The following UIMC1 variants were observed in gnomAD, a reference collection of about 807,000 sequenced individuals.
UIMC1 encodes ubiquitin interaction motif containing 1, also known as BRCA1-A complex subunit RAP80.
In UIMC1, 42 loss-of-function variants were observed where a neutral mutation model predicts 84.9. The observed-to-expected ratio is 0.49, with a 90% CI of 0.39 to 0.64. The LOEUF is 0.64. Ranked by LOEUF, UIMC1 falls within the 30% of genes least tolerant of loss-of-function variation. The pLI, the probability that UIMC1 is intolerant of heterozygous loss-of-function variation, is 0.00. For missense variants in UIMC1, 825 were observed against 847.6 expected, an observed-to-expected ratio of 0.97 and a Z score of 0.33; for synonymous variants, 281 against 293.0, an observed-to-expected ratio of 0.96 and a Z score of 0.42.
At chr5:176,978,359 C>A (rs952778492) in intron 2 of UIMC1, among the ~76,000 whole-genome samples, 2 of 151,880 alleles carry the variant, frequency 1.3e-5, no homozygotes, top group East Asian at 1.9e-4. Flanking sequence ...GGCGACAGAG[C>A]GAGACTCTGT....
rs756103380 is a variant in UIMC1, at chr5:176,943,415, G to T, written c.1517C>A (p.Pro506Gln). 6.2e-7 allele frequency: 1 copy of T among 1,614,034 alleles called. No homozygotes were observed. Among genetic ancestry groups the T allele is most frequent in the African/African-American group, 1.3e-5 (1 of 74,912 alleles). Reference sequence around the variant, plus strand: ...GGGTGGAAAGCATTGGTCACATAGCGGGCAGGATACCTGGTTACTGGATGA... The same window carrying T: ...GGGTGGAAAGCATTGGTCACATAGCTGGCAGGATACCTGGTTACTGGATGA... ...TFSSSNQVSC[P>Q]LCDQCFPPTK... Residue 506 changes from proline (P) to glutamine (Q), a missense_variant, in exon 10 of 15, where the codon CCG (proline) becomes CAG (glutamine). By Grantham distance (76) the Pro-to-Gln change is moderately conservative. Transcript: ENST00000511320.
intron 12 of UIMC1, among the ~76,000 whole-genome samples, chr5:176,908,020 T>G (rs545965231): frequency 6.6e-6 from 1 of 152,324 alleles, no homozygotes; most frequent in East Asian, 1.9e-4. Flanking sequence ...TTTTTAAAAA[T>G]AAAACCCAAA....
At chr5:176,982,825 G>A (rs536174082) in intron 1 of UIMC1, among the ~76,000 whole-genome samples, 91 of 152,152 alleles carry the variant, frequency 6.0e-4, no homozygotes, top group African/African-American at 2.1e-3. Context: ...TCAGCCTCCC[G>A]AGTAGCTGGG....
At chr5:176,977,411 C>T (rs1317548808) in intron 2 of UIMC1, among the ~76,000 whole-genome samples, 2 of 151,612 alleles carry the variant, frequency 1.3e-5, no homozygotes, top group South Asian at 2.1e-4. Flanking sequence ...CCAAAACGTG[C>T]GTTCTTCTCA....
At chr5:176,939,256 CA>C (rs61615337) in intron 10 of UIMC1, among the ~76,000 whole-genome samples, 2,089 of 71,840 alleles carry the variant, frequency 0.029, 33 homozygotes, top group African/African-American at 0.085. Context: ...GATCCTGTCT[CA>C]AAAAAAAAAA....
chr5:176,956,413 T>C (rs955085519), intron 7 of UIMC1, among the ~76,000 whole-genome samples: 1 of 152,178 alleles, frequency 6.6e-6, no homozygotes, highest in Non-Finnish European at 1.5e-5. Context: ...TAGAGATTTG[T>C]AAACTGACAA....
In UIMC1 at chr5:176,911,364, G is replaced by A; in HGVS notation, c.1623C>T (p.Ala541=). 6.3e-7 allele frequency: 1 copy of A among 1,594,440 alleles called. No individual in the cohort carries two copies. Among genetic ancestry groups the A allele is most frequent in the Non-Finnish European group, 8.6e-7 (1 of 1,169,374 alleles). ...CTGTCCCACTGTCACTCTTGGTCTT[G>A]GCCTCTTTTTGTCTCCGAGTCAATA... ...DTVLTRRQKE[A]KTKSDSGTAA... The change falls in exon 11 of 15, where the codon GCC becomes GCT. Residue 541 remains alanine, a synonymous_variant. Coordinates refer to ENST00000511320, the MANE Select transcript of UIMC1 (RefSeq NM_001199298.2).
At chr5:176,983,734 G>C (rs373355597) in intron 1 of UIMC1, among the ~76,000 whole-genome samples, 13 of 150,248 alleles carry the variant, frequency 8.7e-5, no homozygotes, top group Non-Finnish European at 1.3e-4. Context: ...CGGCCACCCC[G>C]TCTGGGAAGT....
chr5:176,906,287 C>T (rs1352222659), intron 13 of UIMC1: 3 of 462,866 alleles, frequency 6.5e-6, no homozygotes, highest in Non-Finnish European at 1.2e-5. Flanking sequence ...TACTTCAATT[C>T]TGGACTTGAG....
chr5:176,951,891 T>C (rs1429556354), intron 8 of UIMC1, among the ~76,000 whole-genome samples: 1 of 152,226 alleles, frequency 6.6e-6, no homozygotes, highest in East Asian at 1.9e-4. Context: ...AAGTTCTCTG[T>C]ACCCCTCTGC....
At chr5:177,020,064 T>C (rs912416258) in intron 1 of UIMC1, among the ~76,000 whole-genome samples, 1 of 152,228 alleles carries the variant, frequency 6.6e-6, no homozygotes, top group African/African-American at 2.4e-5. Context: ...ATACTTGTAG[T>C]ATAAATGACT....
chr5:176,936,565 T>C (rs1485752192), intron 10 of UIMC1, among the ~76,000 whole-genome samples: 1 of 152,134 alleles, frequency 6.6e-6, no homozygotes, highest in Non-Finnish European at 1.5e-5. Flanking sequence ...CCAAAGTCCT[T>C]ATTATGGCCT....
chr5:176,955,442 G>T (rs1431896743), intron 8 of UIMC1, among the ~76,000 whole-genome samples: 1 of 152,026 alleles, frequency 6.6e-6, no homozygotes, highest in African/African-American at 2.4e-5. Flanking sequence ...CTACTAAAAG[G>T]CTGTGAAGTC....
chr5:176,974,423 TA>T (rs756643744), intron 3 of UIMC1, among the ~76,000 whole-genome samples: 66 of 152,102 alleles, frequency 4.3e-4, no homozygotes, highest in Non-Finnish European at 6.2e-4. Flanking sequence ...ATGCTAAAGC[TA>T]AAACTATAAA....
chr5:176,910,866 C>T (rs1199011080), intron 11 of UIMC1, among the ~76,000 whole-genome samples: 1 of 151,896 alleles, frequency 6.6e-6, no homozygotes, highest in Non-Finnish European at 1.5e-5. Context: ...CGAGGCAGGC[C>T]AATCACCTGA....
At chr5:176,913,249 G>A (rs1050869503) in intron 10 of UIMC1, among the ~76,000 whole-genome samples, 1 of 152,130 alleles carries the variant, frequency 6.6e-6, no homozygotes, top group East Asian at 1.9e-4. Context: ...CGAGTGCCTA[G>A]GTTAGCTCTA....
chr5:176,984,111 G>A (rs1327299649), intron 1 of UIMC1, among the ~76,000 whole-genome samples: 11 of 97,726 alleles, frequency 1.1e-4, no homozygotes, highest in African/African-American at 4.1e-4. Flanking sequence ...CTGCCCGGCC[G>A]CCCTGTCTGG....
upstream of UIMC1, among the ~76,000 whole-genome samples, chr5:177,011,197 AAAAAAAAGAAGAAAAG>A (rs1398753022): frequency 6.6e-6 from 1 of 151,900 alleles, no homozygotes; most frequent in Non-Finnish European, 1.5e-5. Flanking sequence ...CTGTCACAAA[AAAAAAAAGAAGAAAAG>A]AAAAAAAGAA....
chr5:176,939,461 C>G (rs940735749), intron 10 of UIMC1, among the ~76,000 whole-genome samples: 2 of 152,026 alleles, frequency 1.3e-5, no homozygotes, highest in African/African-American at 4.8e-5. Flanking sequence ...ATGGGGGTGC[C>G]ATAAAATTAT....
Sources: gnomAD v4.1 joint callset for allele counts (sites outside exome capture counted in the v4.1 genomes callset) on GRCh38, gnomAD v4.1.1 for gene constraint, MANE v1.5 for transcripts, NCBI Gene and HGNC (gene_info 2026-07-23, HGNC 2026-07-21) for gene names.